Variants in DPP10 observed in about 807,000 individuals in gnomAD.
The protein encoded by DPP10 is dipeptidyl peptidase like 10.
DPP10 carries 33 observed loss-of-function variants against 120.9 expected under a neutral mutation model. That is an observed-to-expected ratio of 0.27 (90% CI 0.21 to 0.37). The LOEUF (loss-of-function observed/expected upper bound fraction) is 0.37. DPP10 is among the 10% of genes least tolerant of loss of function. DPP10 has a pLI of 1.00. For missense variants in DPP10, 816 were observed against 942.8 expected, an observed-to-expected ratio of 0.87 and a Z score of 1.76; for synonymous variants, 337 against 326.1, an observed-to-expected ratio of 1.03 and a Z score of -0.36.
rs1050726191 is a variant in DPP10, at chr2:114,589,044, G to C, written c.60+146206G>C. Among the ~76,000 whole-genome samples, 622 of 150,780 alleles carry C rather than the reference G, an allele frequency of 4.1e-3. 8 individuals carry two copies. The highest frequency in any genetic ancestry group is 0.015 in the African/African-American group (596 of 41,040). Reference sequence around the variant, plus strand: ...GAAAGGCAAAGGTTTTTTTGGGGGGGGGGGTAGGGGACGTACTGTTTATAA... The same window carrying C: ...GAAAGGCAAAGGTTTTTTTGGGGGGCGGGGTAGGGGACGTACTGTTTATAA... On this transcript the variant is annotated intron_variant, in intron 1 of 25. Coordinates refer to ENST00000410059, the MANE Select transcript of DPP10 (RefSeq NM_020868.6).
chr2:115,294,523 G>C (rs187241341), intron 1 of DPP10, among the ~76,000 whole-genome samples: 132 of 151,198 alleles, frequency 8.7e-4, no homozygotes, highest in Non-Finnish European at 1.6e-3. Context: ...TTGCTTTTTG[G>C]GGGGAAGGGG....
At chr2:114,682,243 G>C (rs767846879) in intron 1 of DPP10, among the ~76,000 whole-genome samples, 65 of 151,880 alleles carry the variant, frequency 4.3e-4, no homozygotes, top group Admixed American at 7.2e-4. Context: ...GTGTAGCATG[G>C]ATGGAACTGG....
At chr2:114,502,308 T>TTA (rs1206278240) in intron 1 of DPP10, among the ~76,000 whole-genome samples, 3 of 152,148 alleles carry the variant, frequency 2.0e-5, no homozygotes, top group Non-Finnish European at 1.5e-5. Context: ...GAGAAAGTTT[T>TTA]TATTCTGTAC....
intron 3 of DPP10, among the ~76,000 whole-genome samples, chr2:115,480,525 C>A (rs2075364663): frequency 6.6e-6 from 1 of 152,040 alleles, no homozygotes. Flanking sequence ...TTGATAGGAA[C>A]AAAAATGGTG....
intron 13 of DPP10, among the ~76,000 whole-genome samples, chr2:115,771,706 G>A (rs543048383): frequency 2.5e-4 from 38 of 152,204 alleles, no homozygotes; most frequent in African/African-American, 7.7e-4. Context: ...TGTCGTGCCT[G>A]AAAAGTGAGA....
At chr2:115,799,091 T>C (rs1333238655) in intron 19 of DPP10, among the ~76,000 whole-genome samples, 1 of 152,092 alleles carries the variant, frequency 6.6e-6, no homozygotes. Flanking sequence ...TTTATTAAGG[T>C]TCCAATATAT....
At chr2:115,226,517 G>A (rs902974871) in intron 1 of DPP10, among the ~76,000 whole-genome samples, 5 of 152,080 alleles carry the variant, frequency 3.3e-5, no homozygotes, top group African/African-American at 7.2e-5. Flanking sequence ...ATATTTGTAA[G>A]CACACTGTCA....
chr2:115,482,512 A>C (rs1339713257), intron 3 of DPP10, among the ~76,000 whole-genome samples: 2 of 152,000 alleles, frequency 1.3e-5, no homozygotes, highest in African/African-American at 4.8e-5. Flanking sequence ...CCAAAGGGAA[A>C]TCTAGTACAC....
intron 1 of DPP10, among the ~76,000 whole-genome samples, chr2:114,775,595 A>AGCAG (rs1218315629): frequency 6.6e-6 from 1 of 152,192 alleles, no homozygotes; most frequent in Non-Finnish European, 1.5e-5. Context: ...GGAAAGTTCT[A>AGCAG]GCAGGCTGAG....
chr2:115,701,008 A>G (rs960725577), intron 7 of DPP10, among the ~76,000 whole-genome samples: 7 of 152,150 alleles, frequency 4.6e-5, no homozygotes, highest in African/African-American at 1.4e-4. Context: ...TATGATGTCA[A>G]TATGCCCAAC....
chr2:115,744,322 A>C (rs552191140), intron 9 of DPP10, among the ~76,000 whole-genome samples: 1 of 150,386 alleles, frequency 6.6e-6, no homozygotes, highest in East Asian at 1.9e-4. Flanking sequence ...GTAGGCTAAA[A>C]ATTGAATAGA....
intron 1 of DPP10, among the ~76,000 whole-genome samples, chr2:115,168,456 G>A (rs2053069941): frequency 6.6e-6 from 1 of 152,196 alleles, no homozygotes; most frequent in Non-Finnish European, 1.5e-5. Flanking sequence ...AGTTAGAATT[G>A]TTCTTGCTCT....
intron 1 of DPP10, among the ~76,000 whole-genome samples, chr2:114,626,870 A>G (rs1694552844): frequency 6.6e-6 from 1 of 152,066 alleles, no homozygotes; most frequent in Non-Finnish European, 1.5e-5. Flanking sequence ...GTTCTGCCCT[A>G]TTCTTTGGCA....
chr2:114,725,469 C>T (rs559102801), intron 1 of DPP10, among the ~76,000 whole-genome samples: 4 of 152,276 alleles, frequency 2.6e-5, no homozygotes, highest in Middle Eastern at 3.4e-3. Flanking sequence ...TCCATCTTCC[C>T]CAAAGTTTCC....
At chr2:114,650,212 T>A (rs1303485041) in intron 1 of DPP10, among the ~76,000 whole-genome samples, 1 of 152,104 alleles carries the variant, frequency 6.6e-6, no homozygotes, top group Non-Finnish European at 1.5e-5. Flanking sequence ...GAGCACACGA[T>A]GTGAGAACAA....
chr2:115,184,671 A>T (rs1338504614), intron 1 of DPP10, among the ~76,000 whole-genome samples: 1 of 152,250 alleles, frequency 6.6e-6, no homozygotes, highest in Non-Finnish European at 1.5e-5. Context: ...AGATAAGAAA[A>T]GCAGCTGTTT....
At chr2:115,470,806 A>G (rs1200469453) in intron 3 of DPP10, among the ~76,000 whole-genome samples, 2 of 152,078 alleles carry the variant, frequency 1.3e-5, no homozygotes, top group African/African-American at 2.4e-5. Flanking sequence ...TGTATTGTCT[A>G]TTTCACTTCT....
intron 19 of DPP10, among the ~76,000 whole-genome samples, chr2:115,801,364 A>T (rs1443827940): frequency 6.6e-6 from 1 of 152,178 alleles, no homozygotes; most frequent in Non-Finnish European, 1.5e-5. Context: ...CTAAATATAT[A>T]ATCATGTCAT....
chr2:115,010,638 G>A (rs371703516), intron 1 of DPP10, among the ~76,000 whole-genome samples: 53 of 152,244 alleles, frequency 3.5e-4, no homozygotes, highest in African/African-American at 1.1e-3. Context: ...GCTGTGATAA[G>A]AATTTAAAAT....
Sources: gnomAD v4.1 joint callset for allele counts (sites outside exome capture counted in the v4.1 genomes callset) on GRCh38, gnomAD v4.1.1 for gene constraint, MANE v1.5 for transcripts, NCBI Gene and HGNC (gene_info 2026-07-23, HGNC 2026-07-21) for gene names.